PIK3IP1: variants seen among roughly 807,000 people sequenced by gnomAD.
The protein encoded by PIK3IP1 is phosphoinositide-3-kinase interacting protein 1, also known as phosphoinositide-3-kinase-interacting protein 1.
PIK3IP1 carries 28 observed loss-of-function variants against 30.7 expected under a neutral mutation model. The ratio of observed to expected loss-of-function variants is 0.91; its 90% CI spans 0.68 to 1.25. The LOEUF is 1.25. Ranked by LOEUF, PIK3IP1 falls within the 50% of genes most tolerant of loss-of-function variation. PIK3IP1 has a pLI of 0.00. For synonymous variants in PIK3IP1, 159 were observed against 140.8 expected (o/e 1.13, Z -0.91); for missense variants, 333 against 346.2 (o/e 0.96, Z 0.30).
chr22:31,282,882 C>T lies in PIK3IP1; in HGVS notation c.*202G>A. 1 of 558,592 alleles carries T rather than the reference C, an allele frequency of 1.8e-6. No homozygotes were observed. The highest frequency in any genetic ancestry group is 2.3e-5 in the South Asian group (1 of 43,968). 34.6% of individuals were successfully genotyped at this position (558,592 alleles called of 1,614,324 possible). A position where few individuals can be genotyped will look rare whatever the true frequency, so the allele number is the denominator to read the frequency against. On this transcript the variant is annotated 3_prime_UTR_variant, in exon 6 of 6. Transcript: ENST00000215912. ...GACAAAATCTGCTCCAAGGGATGGA[C>T]AAGGAGCACTGTTAGGACCCTACCC...
Position 31,283,269 on chromosome 22 carries a change from G to GC in PIK3IP1, c.606_607insG (p.Gln203AlafsTer3). 1 of 1,613,552 alleles carries GC rather than the reference G, an allele frequency of 6.2e-7. No homozygotes were observed. Among genetic ancestry groups the GC allele is most frequent in the Admixed American group, 1.7e-5 (1 of 59,976 alleles). On this transcript the variant is annotated frameshift_variant, in exon 6 of 6. Transcript: ENST00000215912. LOFTEE classifies it high-confidence loss of function. ...CTCTCACATACTTTCTGATCATGCTGTTCTTTCAAATCCTTCCCCCTGGCA... is the reference window on the plus strand; with the variant it reads ...CTCTCACATACTTTCTGATCATGCTGCTTCTTTCAAATCCTTCCCCCTGGCA...
chr22:31,291,469 A>ACC (rs10558009), intron 1 of PIK3IP1, among the ~76,000 whole-genome samples, 173 bp from the exon 2 acceptor site: 45 of 104,746 alleles, frequency 4.3e-4, no homozygotes, highest in South Asian at 1.0e-3. Context: ...CGCCCCACGC[A>ACC]CCCCCCCCCC....
In PIK3IP1 at chr22:31,287,399, C is replaced by T. The variant is rs5753541; in HGVS notation, c.587+1916G>A. Among the ~76,000 whole-genome samples the T allele has an allele frequency of 0.015, 2,235 of 144,666 alleles. 225 individuals carry two copies. The East Asian group carries it at 0.3, about 20-fold the overall frequency. 94.9% of individuals were successfully genotyped at this position (144,666 alleles called of 152,430 possible). On this transcript the variant is annotated intron_variant, in intron 5 of 5. Coordinates refer to ENST00000215912, the MANE Select transcript of PIK3IP1 (RefSeq NM_052880.5). ...AGGCTGGAGTGCAGTGGCACAATCT[C>T]GGCTCACTGCAACCTCAGCCTCCCA...
At position 31,289,346 on chromosome 22, in the gene PIK3IP1, C is replaced by A. The variant is rs768502817; in HGVS notation, c.556G>T (p.Ala186Ser). 3 of 1,613,920 alleles carry A rather than the reference C, an allele frequency of 1.9e-6. No homozygotes were observed. The South Asian group carries it at 3.3e-5, about 18-fold the overall frequency. Reference sequence around the variant, plus strand: ...TAGGAGTAGCCCAAGATGATGCCAGCTCCGATGGCAATGATGATCACCATC... The same window carrying A: ...TAGGAGTAGCCCAAGATGATGCCAGATCCGATGGCAATGATGATCACCATC... ...TMMVIIIAIGAGIILGYSYKR... is the reference protein window; with the variant it reads ...TMMVIIIAIGSGIILGYSYKR... The change falls in exon 5 of 6, where the codon GCT (alanine) becomes TCT (serine). Residue 186 changes from alanine to serine, a missense_variant. By Grantham distance (99) the Ala-to-Ser change is moderately conservative (BLOSUM62 1). Transcript: ENST00000215912.
chr22:31,285,247 G>A (rs1017767435), intron 5 of PIK3IP1, among the ~76,000 whole-genome samples: 1 of 152,104 alleles, frequency 6.6e-6, no homozygotes, highest in East Asian at 1.9e-4. Context: ...ATAATCACAA[G>A]AGCAGCCAAC....
Position 31,289,597 on chromosome 22 carries a change from A to C in PIK3IP1, c.410T>G (p.Leu137Arg), listed in dbSNP as rs748174538. 9.7e-5 allele frequency: 152 copies of C among 1,560,676 alleles called. No homozygotes were observed. Among genetic ancestry groups the C allele is most frequent in the Non-Finnish European group, 1.2e-4 (142 of 1,151,362 alleles). The part of the protein sequence containing the change: ...EVQVFAPANA[L>R]PARSEAAAVQ... ...AGCTGCCGCCTCACTCCGAGCGGGC[A>C]GGGCGTTGGCAGGAGCGAACACCTG... The change falls in exon 4 of 6, where the codon CTG (leucine) becomes CGG (arginine). Residue 137 changes from leucine to arginine, a missense_variant. This residue lies in a region of PIK3IP1 where 217 missense variants were observed against 227.7 expected (regional missense o/e 0.95). Coordinates refer to ENST00000215912, the MANE Select transcript of PIK3IP1 (RefSeq NM_052880.5).
At position 31,291,241 on chromosome 22, in the gene PIK3IP1, C is replaced by G. The variant is rs760544158; in HGVS notation, c.126G>C (p.Pro42=). The change falls in exon 2 of 6, where the codon CCG becomes CCC. Residue 42 remains proline (P), a synonymous_variant. Coordinates refer to ENST00000215912, the MANE Select transcript of PIK3IP1 (RefSeq NM_052880.5). ...CCAGCCAGTTGAGGCAGCGGAGGCC[C>G]GGCGCGGGGGAGGTCTGGTCCTCCC... ...LYREDQTSPA[P]GLRCLNWLDA... is the part of the protein sequence containing the mutation. 6.4e-7 allele frequency: 1 copy of G among 1,551,746 alleles called. No homozygotes were observed. The highest frequency in any genetic ancestry group is 2.0e-5 in the Admixed American group (1 of 51,164).
intron 5 of PIK3IP1, among the ~76,000 whole-genome samples, chr22:31,287,464 G>A (rs963376057): frequency 6.1e-5 from 9 of 148,568 alleles, no homozygotes; most frequent in East Asian, 6.0e-4. Context: ...CCAAGTAGCC[G>A]GGATTACAAG....
chr22:31,286,806 G>A (rs1018785410), intron 5 of PIK3IP1, among the ~76,000 whole-genome samples: 4 of 152,142 alleles, frequency 2.6e-5, no homozygotes, highest in Non-Finnish European at 4.4e-5. Flanking sequence ...TGTGGCTTAG[G>A]TCTGCTTATG....
intron 5 of PIK3IP1, among the ~76,000 whole-genome samples, chr22:31,286,422 G>A (rs578135540): frequency 6.5e-4 from 99 of 152,302 alleles, no homozygotes; most frequent in African/African-American, 2.3e-3. Context: ...CTGACTTTAG[G>A]AAGAGATGAA....
chr22:31,288,491 C>T (rs1337214826), intron 5 of PIK3IP1, among the ~76,000 whole-genome samples: 1 of 152,180 alleles, frequency 6.6e-6, no homozygotes, highest in African/African-American at 2.4e-5. Context: ...AGGAAGTTTT[C>T]TCAGACCACA....
Position 31,291,258 on chromosome 22 carries a change from G to C in PIK3IP1, c.109C>G (p.Gln37Glu). Residue 37 changes from glutamine to glutamate, a missense_variant, in exon 2 of 6, where the codon CAG becomes GAG. Transcript: ENST00000215912. ...WDNGHLYRED[Q>E]TSPAPGLRCL... ...CGGAGGCCCGGCGCGGGGGAGGTCT[G>C]GTCCTCCCGGTACAGGTGGCCGTTG... 6.4e-7 allele frequency: 1 copy of C among 1,554,414 alleles called. No individual in the cohort carries two copies. The highest frequency in any genetic ancestry group is 8.7e-7 in the Non-Finnish European group (1 of 1,149,558).
At chr22:31,292,499 C>T (rs978298635), upstream of PIK3IP1, 9 of 625,958 alleles carry the variant, frequency 1.4e-5, no homozygotes, top group Non-Finnish European at 2.6e-5. Context: ...GGGAGCTTCC[C>T]AGCTAGCTTG....
chr22:31,289,447 A>T (rs961843843), intron 4 of PIK3IP1, 52 bp downstream of exon 4: 1 of 1,561,762 alleles, frequency 6.4e-7, no homozygotes, highest in Non-Finnish European at 8.7e-7. Flanking sequence ...CAATCAGCAA[A>T]TGACATCTCT....
Position 31,283,302 on chromosome 22 carries a change from A to G in PIK3IP1, c.588-14T>C, listed in dbSNP as rs779277947. On this transcript the variant is annotated splice_polypyrimidine_tract_variant and intron_variant, in intron 5 of 5. Coordinates refer to ENST00000215912, the MANE Select transcript of PIK3IP1 (RefSeq NM_052880.5). ...AAATCCTTCCCCCTGGCAGGAAAAAAACAAACAAACATTCAGGCTATGCCT... is the reference window on the plus strand; with the variant it reads ...AAATCCTTCCCCCTGGCAGGAAAAAGACAAACAAACATTCAGGCTATGCCT... 2 of 1,221,298 alleles carry G rather than the reference A, an allele frequency of 1.6e-6. No individual in the cohort carries two copies. Among genetic ancestry groups the G allele is most frequent in the South Asian group, 2.8e-5 (2 of 71,078 alleles). 75.7% of individuals were successfully genotyped at this position (1,221,298 alleles called of 1,614,324 possible).
chr22:31,292,335 C>T lies in PIK3IP1; in HGVS notation c.10G>A (p.Ala4Thr). 6.2e-7 allele frequency: 1 copy of T among 1,614,146 alleles called. No homozygotes were observed. The highest frequency in any genetic ancestry group is 8.5e-7 in the Non-Finnish European group (1 of 1,179,996). MLL[A>T]WVQAFLVSNM... ...CTGACGAGGAATGCTTGTACCCAGG[C>T]CAACAGCATCCTTGCCTCCTTCGTC... The change falls in exon 1 of 6, where the codon GCC (alanine) becomes ACC (threonine). Residue 4 changes from alanine (A) to threonine (T), a missense_variant. Ala to Thr is a moderately conservative substitution (Grantham distance 58). Around this residue, in one of 3 missense-constraint regions of PIK3IP1, gnomAD observed 111 missense variants for 100.1 expected, o/e 1.11. Coordinates refer to ENST00000215912, the MANE Select transcript of PIK3IP1 (RefSeq NM_052880.5).
rs539887017 is a variant in PIK3IP1, at chr22:31,282,096, C to T, written c.*988G>A. The T allele has an allele frequency of 6.6e-6, 1 of 152,378 alleles. No homozygotes were observed. Among genetic ancestry groups the T allele is most frequent in the African/African-American group, 2.4e-5 (1 of 41,570 alleles). 9.4% of individuals were successfully genotyped at this position (152,378 alleles called of 1,614,324 possible). A position where few individuals can be genotyped will look rare whatever the true frequency, so the allele number is the denominator to read the frequency against. Reference sequence around the variant, plus strand: ...TTGCTTTATGAGTTAGGGGCTGTGACCCTAGCCCCAGTGCCCTACAGGAAG... The same window carrying T: ...TTGCTTTATGAGTTAGGGGCTGTGATCCTAGCCCCAGTGCCCTACAGGAAG... On this transcript the variant is annotated 3_prime_UTR_variant, in exon 6 of 6. Coordinates refer to ENST00000215912, the MANE Select transcript of PIK3IP1 (RefSeq NM_052880.5).
chr22:31,283,864 G>A (rs572024670), intron 5 of PIK3IP1, among the ~76,000 whole-genome samples: 2 of 152,050 alleles, frequency 1.3e-5, no homozygotes, highest in African/African-American at 4.8e-5. Flanking sequence ...GCCTCCCAGA[G>A]ATGCTTATTA....
In PIK3IP1 at chr22:31,291,081, G is replaced by A; in HGVS notation, c.191C>T (p.Ala64Val). The stretch of plus-strand genomic sequence containing the variant: ...GTTTCGGCAGTAACTGTGATTGCCG[G>A]CCCCTAAGAGAGGAGAGAAGGAAAT... ...SGLASAPVSG[A>V]GNHSYCRNPD... The change falls in exon 3 of 6, where the codon GCC (alanine) becomes GTC (valine). Residue 64 changes from alanine (A) to valine (V), a missense_variant. Coordinates refer to ENST00000215912, the MANE Select transcript of PIK3IP1 (RefSeq NM_052880.5). 6.4e-7 allele frequency: 1 copy of A among 1,552,096 alleles called. No individual in the cohort carries two copies.
Sources: allele counts gnomAD v4.1 joint callset (sites outside exome capture counted in the v4.1 genomes callset), GRCh38; gene constraint gnomAD v4.1.1; regional missense constraint gnomAD v4.1.1; transcripts MANE v1.5; gene names NCBI Gene and HGNC (gene_info 2026-07-23, HGNC 2026-07-21).